The following RNFT2 variants were observed in gnomAD, a reference collection of about 807,000 sequenced individuals.
RNFT2 encodes the protein ring finger protein, transmembrane 2, also known as E3 ubiquitin-protein ligase RNFT2.
Under a neutral mutation model 53.0 loss-of-function variants are expected in RNFT2, and 36 were observed. The ratio of observed to expected loss-of-function variants is 0.68; its 90% CI spans 0.52 to 0.90. The LOEUF (loss-of-function observed/expected upper bound fraction) is 0.90. Among genes scored for constraint, RNFT2 ranks in the 40% least tolerant of loss-of-function variants. RNFT2 has a pLI of 0.00. For missense variants in RNFT2, 514 were observed against 585.6 expected, an observed-to-expected ratio of 0.88 and a Z score of 1.26; for synonymous variants, 260 against 253.2, an observed-to-expected ratio of 1.03 and a Z score of -0.26.
chr12:116,740,441 C>T lies in RNFT2; in HGVS notation c.-57C>T. On this transcript the variant is annotated 5_prime_UTR_variant, in exon 2 of 11. Transcript: ENST00000257575. ...TCTCTGGGATCCATTGGTCACATCC[C>T]CCTGAGGATTCCCGAATGCCTACCT... The T allele has an allele frequency of 6.5e-6, 10 of 1,537,562 alleles. No homozygotes were observed. Among genetic ancestry groups the T allele is most frequent in the Non-Finnish European group, 7.9e-6 (9 of 1,132,336 alleles).
At chr12:116,745,173 A>ATTTTT (rs10637816) in intron 3 of RNFT2, among the ~76,000 whole-genome samples, 1 of 125,042 alleles carries the variant, frequency 8.0e-6, no homozygotes, top group East Asian at 2.3e-4. Flanking sequence ...ATTGCACCAG[A>ATTTTT]TTTTTTTTTT....
intron 5 of RNFT2, among the ~76,000 whole-genome samples, chr12:116,754,411 C>T (rs1053632069): frequency 2.6e-5 from 4 of 152,084 alleles, no homozygotes; most frequent in Admixed American, 1.3e-4. Flanking sequence ...GTTGGTTCCA[C>T]AATTTTAAAA....
At chr12:116,780,815 G>A (rs192588831) in intron 7 of RNFT2, among the ~76,000 whole-genome samples, 20 of 152,222 alleles carry the variant, frequency 1.3e-4, no homozygotes, top group African/African-American at 4.1e-4. Context: ...AGGGTTCCAG[G>A]TCGGCACCAC....
chr12:116,742,254 C>G (rs928762750), intron 3 of RNFT2, among the ~76,000 whole-genome samples: 8 of 148,224 alleles, frequency 5.4e-5, no homozygotes, highest in African/African-American at 2.0e-4. Context: ...TCTGGGGTAC[C>G]GAGGTGGTTT....
intron 7 of RNFT2, among the ~76,000 whole-genome samples, chr12:116,790,371 C>T (rs1020772329): frequency 6.1e-5 from 9 of 146,636 alleles, no homozygotes; most frequent in Non-Finnish European, 1.0e-4. Flanking sequence ...CCCCTGTATT[C>T]GTGAGTTTAT....
intron 3 of RNFT2, among the ~76,000 whole-genome samples, chr12:116,742,481 A>C (rs1871659357): frequency 1.3e-5 from 2 of 151,688 alleles, no homozygotes; most frequent in South Asian, 4.2e-4. Context: ...TTCCCAGGCT[A>C]GTCTCAAACT....
At chr12:116,808,753 A>G (rs1875208339) in intron 7 of RNFT2, among the ~76,000 whole-genome samples, 1 of 152,206 alleles carries the variant, frequency 6.6e-6, no homozygotes, top group African/African-American at 2.4e-5. Flanking sequence ...TTTAATGGCA[A>G]ACGGCAGGGA....
intron 6 of RNFT2, among the ~76,000 whole-genome samples, chr12:116,776,536 C>A (rs571231635): frequency 6.6e-6 from 1 of 152,294 alleles, no homozygotes; most frequent in East Asian, 1.9e-4. Context: ...GGAGACAGGG[C>A]AGGGATGTGG....
At position 116,822,024 on chromosome 12, in the gene RNFT2, G is replaced by A. The variant is rs534968683; in HGVS notation, c.883-11768G>A. ...AATTTTTTGTATTTTTGGTAGAGAC[G>A]GGATTTCACCGTGTTGGCCAGGCTG... On this transcript the variant is annotated intron_variant, in intron 7 of 10. Transcript: ENST00000257575. Among the ~76,000 whole-genome samples the A allele has an allele frequency of 3.3e-5, 5 of 151,938 alleles. No homozygotes were observed. The South Asian group carries it at 6.2e-4, about 19-fold the overall frequency.
At chr12:116,788,580 A>C (rs1188177829) in intron 7 of RNFT2, among the ~76,000 whole-genome samples, 1 of 151,982 alleles carries the variant, frequency 6.6e-6, no homozygotes, top group Non-Finnish European at 1.5e-5. Flanking sequence ...CTCTGACTGT[A>C]ATTGTTTGTT....
intron 3 of RNFT2, 118 bp downstream of exon 3, chr12:116,741,212 T>C (rs1871594353): frequency 1.3e-6 from 1 of 765,896 alleles, no homozygotes. Context: ...GTCACACTGA[T>C]GGCCTCATAC....
At chr12:116,741,363 GGCT>G (rs1194552696) in intron 3 of RNFT2, among the ~76,000 whole-genome samples, 1 of 152,180 alleles carries the variant, frequency 6.6e-6, no homozygotes, top group Admixed American at 6.5e-5. Context: ...AGTCCATACA[GGCT>G]GCTATCACAA....
chr12:116,794,637 G>A (rs1242271949), intron 7 of RNFT2, among the ~76,000 whole-genome samples: 3 of 69,898 alleles, frequency 4.3e-5, no homozygotes, highest in Non-Finnish European at 6.1e-5. Flanking sequence ...GAGAAGGGGA[G>A]GGGAGGGGAG....
intron 5 of RNFT2, among the ~76,000 whole-genome samples, chr12:116,754,489 T>G (rs2137080757): frequency 6.6e-6 from 1 of 152,358 alleles, no homozygotes; most frequent in East Asian, 1.9e-4. Flanking sequence ...TCTTTTCCTC[T>G]GGGTAGATAC....
At chr12:116,766,753 C>G in intron 5 of RNFT2, 61 bp from the exon 6 acceptor site, 1 of 1,279,278 alleles carries the variant, frequency 7.8e-7, no homozygotes, top group Admixed American at 2.0e-5. Flanking sequence ...CATCAGGGTA[C>G]ATTCTGGAAG....
intron 7 of RNFT2, among the ~76,000 whole-genome samples, chr12:116,825,579 A>G (rs1420656544): frequency 6.6e-6 from 1 of 152,200 alleles, no homozygotes; most frequent in Non-Finnish European, 1.5e-5. Flanking sequence ...GTGAGAGCCA[A>G]TGGTTACATT....
At chr12:116,768,346 C>T (rs367827348) in intron 6 of RNFT2, among the ~76,000 whole-genome samples, 10 of 152,224 alleles carry the variant, frequency 6.6e-5, no homozygotes, top group South Asian at 6.2e-4. Flanking sequence ...GGTGATCCGC[C>T]GGCCTTGGCC....
At chr12:116,832,632 A>G (rs1876735020) in intron 7 of RNFT2, among the ~76,000 whole-genome samples, 1 of 152,338 alleles carries the variant, frequency 6.6e-6, no homozygotes, top group African/African-American at 2.4e-5. Context: ...TAGACACTAC[A>G]GAGTGGGTGT....
At chr12:116,829,005 G>GA (rs369994475) in intron 7 of RNFT2, among the ~76,000 whole-genome samples, 3,068 of 142,972 alleles carry the variant, frequency 0.021, 72 homozygotes, top group African/African-American at 0.065. Context: ...GTTTTAAGTG[G>GA]AAAAAAAAAA....
Sources: gnomAD v4.1 joint callset for allele counts (sites outside exome capture counted in the v4.1 genomes callset) on GRCh38, gnomAD v4.1.1 for gene constraint, MANE v1.5 for transcripts, NCBI Gene and HGNC (gene_info 2026-07-23, HGNC 2026-07-21) for gene names.